GIGYF1: variants seen among roughly 807,000 people sequenced by gnomAD.
The protein encoded by GIGYF1 is GRB10 interacting GYF protein 1.
In GIGYF1, 84 loss-of-function variants were observed where a neutral mutation model predicts 147.1. The observed-to-expected ratio is 0.57, with a 90% CI of 0.48 to 0.68. GIGYF1 has a LOEUF of 0.68. Ranked by LOEUF, GIGYF1 falls within the 30% of genes least tolerant of loss-of-function variation. GIGYF1 has a pLI of 0.00. For missense variants in GIGYF1, 1,485 were observed against 1,393.7 expected, an observed-to-expected ratio of 1.07 and a Z score of -1.04; for synonymous variants, 752 against 589.5, an observed-to-expected ratio of 1.28 and a Z score of -3.99.
Position 100,683,359 on chromosome 7 carries a change from T to C in GIGYF1, c.2138A>G (p.Gln713Arg). 1 of 1,613,800 alleles carries C rather than the reference T, an allele frequency of 6.2e-7. No individual in the cohort carries two copies. Among genetic ancestry groups the C allele is most frequent in the Non-Finnish European group, 8.5e-7 (1 of 1,180,026 alleles). The stretch of plus-strand genomic sequence containing the variant: ...CTGCCGCCGCTTCTGCTCCTCCTGC[T>C]GCTGCTGGCGGCGCTTCTCCTCTCG... The part of the protein sequence containing the change: ...KRREEKRRQQ[Q>R]QEEQKRRQEE... The change falls in exon 21 of 27, where the codon CAG (glutamine) becomes CGG (arginine). Residue 713 changes from glutamine to arginine, a missense_variant. Physicochemically the swap from Gln to Arg is conservative, Grantham distance 43 (BLOSUM62 1). Transcript: ENST00000678049.
Position 100,684,142 on chromosome 7 carries a change from C to A in GIGYF1, c.1746G>T (p.Gln582His). ...GAGCTGCCTTTTCTCGGAGCGCGCA[C>A]TGTGGGAGCTGGCGGCTGCAAATGG... is the stretch of plus-strand genomic sequence containing the variant. ...LQLVSSRQLPQCALREKAALG... is the reference protein window; with the variant it reads ...LQLVSSRQLPHCALREKAALG... Residue 582 changes from glutamine to histidine, a missense_variant, in exon 18 of 27, where the codon CAG (glutamine) becomes CAT (histidine). Transcript: ENST00000678049. 6.2e-7 allele frequency: 1 copy of A among 1,609,088 alleles called. No individual in the cohort carries two copies. The highest frequency in any genetic ancestry group is 8.5e-7 in the Non-Finnish European group (1 of 1,179,650).
chr7:100,688,091 C>T lies in GIGYF1; in HGVS notation c.55G>A (p.Gly19Ser), dbSNP rs768522199. 1.9e-6 allele frequency: 3 copies of T among 1,609,378 alleles called. No homozygotes were observed. The highest frequency in any genetic ancestry group is 2.5e-6 in the Non-Finnish European group (3 of 1,177,630). Residue 19 changes from glycine to serine, a missense_variant, in exon 5 of 27, where the codon GGC (glycine) becomes AGC (serine). Gly to Ser is a moderately conservative substitution (Grantham distance 56). Coordinates refer to ENST00000678049, the MANE Select transcript of GIGYF1 (RefSeq NM_001375765.1). Reference protein sequence around the residue: ...GPEWLRALSGGGSVASPPPSP... With the variant: ...GPEWLRALSGSGSVASPPPSP... Reference sequence around the variant, plus strand: ...GGGGGTGGGGAGGCCACGCTGCCGCCCCCGGACAGGGCCCTGAGCCTGGAC... The same window carrying T: ...GGGGGTGGGGAGGCCACGCTGCCGCTCCCGGACAGGGCCCTGAGCCTGGAC...
At chr7:100,690,789 A>C (rs1356710036) in intron 1 of GIGYF1, among the ~76,000 whole-genome samples, 1 of 150,432 alleles carries the variant, frequency 6.6e-6, no homozygotes, top group African/African-American at 2.5e-5. Flanking sequence ...CTCAAAAAAA[A>C]AAAAAAAAAA....
At position 100,682,441 on chromosome 7, in the gene GIGYF1, T is replaced by G. The variant is rs1056128287; in HGVS notation, c.2642A>C (p.Lys881Thr). 1 of 1,613,472 alleles carries G rather than the reference T, an allele frequency of 6.2e-7. No homozygotes were observed. The highest frequency in any genetic ancestry group is 8.5e-7 in the Non-Finnish European group (1 of 1,180,000). Residue 881 changes from lysine (K) to threonine (T), a missense_variant, in exon 24 of 27, where the codon AAG becomes ACG. By Grantham distance (78) the Lys-to-Thr change is moderately conservative. Transcript: ENST00000678049. ...CAGCAGCTTCTCTTCTTCCTCCGTC[T>G]TTTTGCGAATGGGCCGACCCGATAG... The part of the protein sequence containing the change: ...SHLSGRPIRK[K>T]TEEEEKLLKL...
chr7:100,684,176 A>G lies in GIGYF1; in HGVS notation c.1731-19T>C. 1 of 1,608,994 alleles carries G rather than the reference A, an allele frequency of 6.2e-7. No homozygotes were observed. The highest frequency in any genetic ancestry group is 8.5e-7 in the Non-Finnish European group (1 of 1,178,984). On this transcript the variant is annotated intron_variant, in intron 17 of 26. Coordinates refer to ENST00000678049, the MANE Select transcript of GIGYF1 (RefSeq NM_001375765.1). ...CTGGCGGCTGCAAATGGGACAGTGGAGATGGTGGGCCACAGAGCCAGCGCC... is the reference window on the plus strand; with the variant it reads ...CTGGCGGCTGCAAATGGGACAGTGGGGATGGTGGGCCACAGAGCCAGCGCC...
At position 100,679,589 on chromosome 7, in the gene GIGYF1, G is replaced by A. The variant is rs117756744; in HGVS notation, c.*2130C>T. 0.012 allele frequency: 1,809 copies of A among 152,952 alleles called. 23 individuals are homozygous for A. The highest frequency in any genetic ancestry group is 0.018 in the Non-Finnish European group (1,249 of 68,210). 9.5% of individuals were successfully genotyped at this position (152,952 alleles called of 1,614,324 possible). The stretch of plus-strand genomic sequence containing the variant: ...AGAGAGGGAAGTCACACAGGGTGGA[G>A]AGGGGGCGGGGAGACTGTGGGTACA... On this transcript the variant is annotated 3_prime_UTR_variant, in exon 27 of 27. Transcript: ENST00000678049.
At position 100,681,949 on chromosome 7, in the gene GIGYF1, G is replaced by C; in HGVS notation, c.2970C>G (p.Ala990=). ...CGGGGCCGAGTTTGGTGCTGTGGTT[G>C]GCCTGGAAGGCCGTCTGCAGCGAGG... ...SSASLQTAFQ[A]NHSTKLGPGE... The change falls in exon 26 of 27, where the codon GCC becomes GCG. Residue 990 remains alanine, a synonymous_variant. Transcript: ENST00000678049. 1 of 1,609,454 alleles carries C rather than the reference G, an allele frequency of 6.2e-7. No individual in the cohort carries two copies. The highest frequency in any genetic ancestry group is 8.5e-7 in the Non-Finnish European group (1 of 1,179,934).
Position 100,681,970 on chromosome 7 carries a change from C to T in GIGYF1, c.2949G>A (p.Ser983=), listed in dbSNP as rs757892123. ...QQQEAWLSSA[S]LQTAFQANHS... is the part of the protein sequence containing the mutation. ...GGTTGGCCTGGAAGGCCGTCTGCAG[C>T]GAGGCGCTGCTCAGCCATGCCTCCT... Residue 983 remains serine, a synonymous_variant, in exon 26 of 27, where the codon TCG becomes TCA. Transcript: ENST00000678049. 9.9e-6 allele frequency: 16 copies of T among 1,608,730 alleles called. No individual in the cohort carries two copies. The highest frequency in any genetic ancestry group is 1.3e-5 in the African/African-American group (1 of 74,926).
Position 100,686,175 on chromosome 7 carries a change from G to GAT in GIGYF1, c.948+3_948+4dup, listed in dbSNP as rs1368499348. 3 of 1,606,124 alleles carry GAT rather than the reference G, an allele frequency of 1.9e-6. No homozygotes were observed. Among genetic ancestry groups the GAT allele is most frequent in the Non-Finnish European group, 2.6e-6 (3 of 1,175,112 alleles). ...AGGTTCCCACCCTCGCCTCCTCACA[G>GAT]ATACCTTGAGAGGCAAGAAGGCCCC... is the stretch of plus-strand genomic sequence containing the variant. On this transcript the variant is annotated splice_donor_region_variant and intron_variant, in intron 11 of 26. Transcript: ENST00000678049.
intron 9 of GIGYF1, 75 bp from the exon 10 acceptor site, chr7:100,686,894 G>A (rs201326397): frequency 4.3e-6 from 6 of 1,408,466 alleles, no homozygotes; most frequent in African/African-American, 1.4e-5. Context: ...CGTTGGGGGG[G>A]CCAGCTCCAG....
At position 100,681,462 on chromosome 7, in the gene GIGYF1, A is replaced by G. The variant is rs554171139; in HGVS notation, c.*257T>C. 97 of 382,810 alleles carry G rather than the reference A, an allele frequency of 2.5e-4. 1 individual carries two copies. Among genetic ancestry groups the G allele is most frequent in the African/African-American group, 1.9e-3 (93 of 48,048 alleles). The allele number at this position is 382,810 out of a possible 1,614,324, so 23.7% of individuals were successfully genotyped here. On this transcript the variant is annotated 3_prime_UTR_variant, in exon 27 of 27. Coordinates refer to ENST00000678049, the MANE Select transcript of GIGYF1 (RefSeq NM_001375765.1). ...GGTGTTTAGAGTCTAGTTTTTAACA[A>G]TATTTTTGCCTCTCCTAATGTTTTC... is the stretch of plus-strand genomic sequence containing the variant.
chr7:100,683,997 G>C (rs749029355), intron 18 of GIGYF1, 23 bp downstream of exon 18: 16 of 1,594,090 alleles, frequency 1.0e-5, no homozygotes, highest in Non-Finnish European at 1.4e-5. Context: ...CCTGTATCCT[G>C]AGGGCTCGCA....
At position 100,679,929 on chromosome 7, in the gene GIGYF1, T is replaced by TG. The variant is rs1048545100; in HGVS notation, c.*1789dup. 25 of 150,132 alleles carry TG rather than the reference T, an allele frequency of 1.7e-4. No homozygotes were observed. The East Asian group carries it at 3.0e-3, about 18-fold the overall frequency. The allele number at this position is 150,132 out of a possible 1,614,324, so 9.3% of individuals were successfully genotyped here. A position where few individuals can be genotyped will look rare whatever the true frequency, so the allele number is the denominator to read the frequency against. ...TCCCCTGCATTGGCTGCGGCAGGGGTGGGGGGGTTACATTCAGTCACAACA... is the reference window on the plus strand; with the variant it reads ...TCCCCTGCATTGGCTGCGGCAGGGGTGGGGGGGGTTACATTCAGTCACAACA... On this transcript the variant is annotated 3_prime_UTR_variant, in exon 27 of 27. Transcript: ENST00000678049.
intron 7 of GIGYF1, 42 bp downstream of exon 7, chr7:100,687,462 GC>G: frequency 6.2e-7 from 1 of 1,604,752 alleles, no homozygotes; most frequent in East Asian, 2.2e-5. Flanking sequence ...GAAGTCAGGG[GC>G]CCAGATCTGC....
intron 12 of GIGYF1, 31 bp downstream of exon 12, chr7:100,685,943 C>G (rs1354195867): frequency 6.3e-7 from 1 of 1,589,876 alleles, no homozygotes; most frequent in Non-Finnish European, 8.6e-7. Context: ...CCCGGCCCAG[C>G]CCCAGGCCCG....
chr7:100,682,862 G>A, intron 22 of GIGYF1, 85 bp from the exon 23 acceptor site: 3 of 1,382,332 alleles, frequency 2.2e-6, no homozygotes, highest in East Asian at 2.4e-5. Flanking sequence ...GGCAAAGGGA[G>A]ACAGGTGAGG....
Position 100,682,304 on chromosome 7 carries a change from T to G in GIGYF1, c.2761+18A>C. ...GGAGACCCAGGTCCCGCCCACCTCCTGGGAGCCGCTCGCCCACCGTCCAGG... is the reference window on the plus strand; with the variant it reads ...GGAGACCCAGGTCCCGCCCACCTCCGGGGAGCCGCTCGCCCACCGTCCAGG... On this transcript the variant is annotated intron_variant, in intron 24 of 26. Transcript: ENST00000678049. 6.2e-7 allele frequency: 1 copy of G among 1,609,978 alleles called. No homozygotes were observed. The highest frequency in any genetic ancestry group is 2.2e-5 in the East Asian group (1 of 44,862).
Position 100,688,721 on chromosome 7 carries a change from T to C in GIGYF1, c.-264A>G. The C allele has an allele frequency of 2.9e-6, 1 of 341,684 alleles. No homozygotes were observed. The highest frequency in any genetic ancestry group is 5.8e-6 in the Non-Finnish European group (1 of 171,054). The allele number at this position is 341,684 out of a possible 1,614,324, so 21.2% of individuals were successfully genotyped here. On this transcript the variant is annotated 5_prime_UTR_variant, in exon 2 of 27. Coordinates refer to ENST00000678049, the MANE Select transcript of GIGYF1 (RefSeq NM_001375765.1). Reference sequence around the variant, plus strand: ...GACCTTCACATCTGGGAAAGACCCTTAAGGAGAGCAGGGGGGAGGAGGGAG... The same window carrying C: ...GACCTTCACATCTGGGAAAGACCCTCAAGGAGAGCAGGGGGGAGGAGGGAG...
rs762595322 is a variant in GIGYF1 at position 100,684,456 on chromosome 7, T to C, written c.1623A>G (p.Pro541=). The C allele has an allele frequency of 1.5e-5, 24 of 1,612,414 alleles. No homozygotes were observed. The African/African-American group carries it at 3.2e-4, about 22-fold the overall frequency. Residue 541 remains proline, a synonymous_variant, in exon 16 of 27, where the codon CCA becomes CCG. Coordinates refer to ENST00000678049, the MANE Select transcript of GIGYF1 (RefSeq NM_001375765.1). The part of the protein sequence containing the change: ...VPFAPGPSPP[P]LLGNMDQERL... Reference sequence around the variant, plus strand: ...CAGGGGAGAAGCGGCTCACCAGCAGTGGGGGAGGTGAGGGCCCTGGGGCAA... The same window carrying C: ...CAGGGGAGAAGCGGCTCACCAGCAGCGGGGGAGGTGAGGGCCCTGGGGCAA...
Sources: gnomAD v4.1 joint callset for allele counts (sites outside exome capture counted in the v4.1 genomes callset) on GRCh38, gnomAD v4.1.1 for gene constraint, MANE v1.5 for transcripts, NCBI Gene and HGNC (gene_info 2026-07-23, HGNC 2026-07-21) for gene names.